Variants in MINDY2 observed in about 807,000 individuals in gnomAD.
MINDY2 encodes MINDY lysine 48 deubiquitinase 2.
In MINDY2, 52 loss-of-function variants were observed where a neutral mutation model predicts 68.2. That is an observed-to-expected ratio of 0.76 (90% CI 0.61 to 0.96). The LOEUF is 0.96. Among genes scored for constraint, MINDY2 ranks in the 40% least tolerant of loss-of-function variants. The pLI is 0.00. For missense variants in MINDY2, 881 were observed against 773.4 expected (o/e 1.14, Z -1.65); for synonymous variants, 372 against 303.0 (o/e 1.23, Z -2.36).
At chr15:58,830,733 A>G (rs2031664383) in intron 5 of MINDY2, among the ~76,000 whole-genome samples, 1 of 152,164 alleles carries the variant, frequency 6.6e-6, no homozygotes. Flanking sequence ...AACAGAAAGC[A>G]TAAAAATGTG....
intron 1 of MINDY2, among the ~76,000 whole-genome samples, chr15:58,787,458 C>T (rs1390823191): frequency 6.6e-6 from 1 of 151,390 alleles, no homozygotes; most frequent in African/African-American, 2.4e-5. Flanking sequence ...TGGTTATAGG[C>T]TGGGTGCAGT....
intron 7 of MINDY2, among the ~76,000 whole-genome samples, chr15:58,848,618 C>T (rs1399602242): frequency 6.6e-6 from 1 of 151,952 alleles, no homozygotes; most frequent in Non-Finnish European, 1.5e-5. Context: ...TGGTGGCGGG[C>T]GCCTGTAGTC....
chr15:58,831,321 T>A (rs1001205556), intron 5 of MINDY2, among the ~76,000 whole-genome samples: 5 of 152,146 alleles, frequency 3.3e-5, no homozygotes, highest in African/African-American at 1.2e-4. Flanking sequence ...TTGTGAAATC[T>A]TAAGCTACTC....
At chr15:58,801,756 C>T (rs1013136287) in intron 2 of MINDY2, among the ~76,000 whole-genome samples, 1 of 152,168 alleles carries the variant, frequency 6.6e-6, no homozygotes, top group Admixed American at 6.6e-5. Context: ...TCTTCTGCCT[C>T]AGCCTCCCAA....
chr15:58,818,614 G>A (rs2030853234), intron 4 of MINDY2, among the ~76,000 whole-genome samples: 1 of 149,788 alleles, frequency 6.7e-6, no homozygotes, highest in Non-Finnish European at 1.5e-5. Flanking sequence ...TTTTTTTATT[G>A]GTACTCTAGA....
intron 4 of MINDY2, among the ~76,000 whole-genome samples, chr15:58,816,165 T>G (rs538002834): frequency 1.1e-4 from 17 of 152,296 alleles, no homozygotes; most frequent in Admixed American, 8.5e-4. Flanking sequence ...AGCAAGGACT[T>G]GGCAGTGCTT....
intron 3 of MINDY2, 146 bp downstream of exon 3, chr15:58,802,523 A>G (rs1402718367): frequency 4.5e-6 from 2 of 443,288 alleles, no homozygotes; most frequent in Non-Finnish European, 8.1e-6. Flanking sequence ...AGTCTCTATT[A>G]CATATTCTTT....
chr15:58,789,230 C>A (rs956029905), intron 2 of MINDY2, among the ~76,000 whole-genome samples: 3 of 151,990 alleles, frequency 2.0e-5, no homozygotes, highest in African/African-American at 7.2e-5. Context: ...CCCAGCTACT[C>A]GGGAGGCTGA....
rs1263764872 is a variant in MINDY2, at chr15:58,771,695, G to C, written c.300G>C (p.Ala100=). Residue 100 remains alanine (A), a synonymous_variant, in exon 1 of 9, where the codon GCG becomes GCC. Coordinates refer to ENST00000559228, the MANE Select transcript of MINDY2 (RefSeq NM_001040450.3). ...SGLESPAAAE[A]PLRGQYKVTA... Reference sequence around the variant, plus strand: ...TGGAGAGTCCTGCTGCCGCCGAGGCGCCTCTGAGAGGGCAGTACAAGGTGA... The same window carrying C: ...TGGAGAGTCCTGCTGCCGCCGAGGCCCCTCTGAGAGGGCAGTACAAGGTGA... 1.2e-6 allele frequency: 2 copies of C among 1,612,274 alleles called. No homozygotes were observed. The highest frequency in any genetic ancestry group is 2.7e-5 in the African/African-American group (2 of 74,916).
intron 1 of MINDY2, among the ~76,000 whole-genome samples, chr15:58,784,078 C>A (rs1391526845): frequency 6.6e-6 from 1 of 152,048 alleles, no homozygotes; most frequent in African/African-American, 2.4e-5. Flanking sequence ...GTAATACCAG[C>A]AATTTGCGAG....
chr15:58,820,776 A>G (rs1232395254), intron 4 of MINDY2, among the ~76,000 whole-genome samples: 1 of 152,188 alleles, frequency 6.6e-6, no homozygotes, highest in Non-Finnish European at 1.5e-5. Flanking sequence ...AGTATTGTGC[A>G]GATATATGTT....
At chr15:58,842,190 T>C (rs1481424005) in intron 6 of MINDY2, among the ~76,000 whole-genome samples, 1 of 152,134 alleles carries the variant, frequency 6.6e-6, no homozygotes, top group Non-Finnish European at 1.5e-5. Context: ...CCCCTATCTC[T>C]TGGTTTTAAA....
At chr15:58,811,190 GC>G (rs1278902907) in intron 4 of MINDY2, among the ~76,000 whole-genome samples, 1 of 152,158 alleles carries the variant, frequency 6.6e-6, no homozygotes, top group Admixed American at 6.5e-5. Flanking sequence ...CTCTCTTTGG[GC>G]AAGACCGTAT....
At chr15:58,838,115 AGGTGT>A (rs2032093525) in intron 6 of MINDY2, among the ~76,000 whole-genome samples, 1 of 152,050 alleles carries the variant, frequency 6.6e-6, no homozygotes, top group African/African-American at 2.4e-5. Context: ...CTTTCAGGCC[AGGTGT>A]GGTGTGGTGG....
At chr15:58,793,910 T>A (rs1326264045) in intron 2 of MINDY2, among the ~76,000 whole-genome samples, 1 of 152,038 alleles carries the variant, frequency 6.6e-6, no homozygotes, top group Non-Finnish European at 1.5e-5. Flanking sequence ...GTGGTATGAT[T>A]TTTGGGTGTT....
chr15:58,807,260 G>T (rs539178579), intron 3 of MINDY2, among the ~76,000 whole-genome samples: 1 of 150,328 alleles, frequency 6.7e-6, no homozygotes, highest in East Asian at 2.0e-4. Context: ...TAAATTTTAT[G>T]TATTGGTTTT....
At chr15:58,839,412 A>G (rs1017303223) in intron 6 of MINDY2, among the ~76,000 whole-genome samples, 5 of 151,766 alleles carry the variant, frequency 3.3e-5, no homozygotes, top group Non-Finnish European at 7.4e-5. Context: ...GCTCACTGCA[A>G]CCTCCACCTC....
At chr15:58,830,003 C>G (rs932332478) in intron 5 of MINDY2, among the ~76,000 whole-genome samples, 1 of 152,194 alleles carries the variant, frequency 6.6e-6, no homozygotes, top group African/African-American at 2.4e-5. Flanking sequence ...TCTCTCAGAT[C>G]ACTTATGAAA....
chr15:58,773,850 G>A (rs1344405297), intron 1 of MINDY2, among the ~76,000 whole-genome samples: 2 of 152,136 alleles, frequency 1.3e-5, no homozygotes, highest in African/African-American at 4.8e-5. Flanking sequence ...GTGTTTATAT[G>A]TTTATTACAT....
Sources: allele counts gnomAD v4.1 joint callset (sites outside exome capture counted in the v4.1 genomes callset), GRCh38; gene constraint gnomAD v4.1.1; transcripts MANE v1.5; gene names NCBI Gene and HGNC (gene_info 2026-07-23, HGNC 2026-07-21).